Variants in PRMT8 observed in about 807,000 individuals in gnomAD.
PRMT8 encodes the protein protein arginine N-methyltransferase 8.
Under a neutral mutation model 47.1 loss-of-function variants are expected in PRMT8, and 7 were observed. That is an observed-to-expected ratio of 0.15 (90% CI 0.08 to 0.28). PRMT8 has a LOEUF of 0.28. Among genes scored for constraint, PRMT8 ranks in the 10% least tolerant of loss-of-function variants. The probability of loss-of-function intolerance (pLI) is 1.00; values close to 1 mark genes in which losing one functional copy is unlikely to be tolerated. For missense variants in PRMT8, 237 were observed against 505.4 expected, an observed-to-expected ratio of 0.47 and a Z score of 5.09; for synonymous variants, 188 against 186.5, an observed-to-expected ratio of 1.01 and a Z score of -0.07.
chr12:3,443,714 G>A (rs1476332911), intron 1 of PRMT8, among the ~76,000 whole-genome samples: 1 of 152,090 alleles, frequency 6.6e-6, no homozygotes, highest in East Asian at 1.9e-4. Context: ...ACCTTCCAAG[G>A]CTTGTCAATC....
chr12:3,432,371 C>T (rs1347085154), intron 1 of PRMT8, among the ~76,000 whole-genome samples: 1 of 152,234 alleles, frequency 6.6e-6, no homozygotes, highest in African/African-American at 2.4e-5. Flanking sequence ...CAGAGTAAGA[C>T]ACACGCTCAA....
chr12:3,583,415 C>T lies in PRMT8; in HGVS notation c.979+207C>T, dbSNP rs1454779913. On this transcript the variant is annotated intron_variant, in intron 8 of 9. Coordinates refer to ENST00000382622, the MANE Select transcript of PRMT8 (RefSeq NM_019854.5). The surrounding 1 kb of genome is among the most constrained non-coding windows in gnomAD (Gnocchi z 4.7). ...AAGGTAAATAATGTTGTGGTTGTTACAGCACAAGTTGAGAGTGTGTTGGAT... is the reference window on the plus strand; with the variant it reads ...AAGGTAAATAATGTTGTGGTTGTTATAGCACAAGTTGAGAGTGTGTTGGAT... 2.0e-5 allele frequency among the ~76,000 whole-genome samples: 3 copies of T among 152,182 alleles called. No individual in the cohort carries two copies. The highest frequency in any genetic ancestry group is 3.9e-4 in the East Asian group (2 of 5,180).
intron 8 of PRMT8, among the ~76,000 whole-genome samples, chr12:3,589,000 C>T (rs1867240663): frequency 6.6e-6 from 1 of 152,224 alleles, no homozygotes; most frequent in Non-Finnish European, 1.5e-5. Flanking sequence ...TTTTCCAAGA[C>T]ATTCTCCACC....
In PRMT8 at chr12:3,493,234, C is replaced by T. The variant is rs1457275747; in HGVS notation, c.75+1534C>T. On this transcript the variant is annotated intron_variant, in intron 1 of 9. Coordinates refer to ENST00000382622, the MANE Select transcript of PRMT8 (RefSeq NM_019854.5). This position sits in a 1 kb window ranked among gnomAD's most constrained non-coding sequence, Gnocchi z 8.2. ...CCACTTCCTCTTCCCCAGCCCCCAC[C>T]TGAGAGCAGACATTCGGAATGATGT... 6.6e-6 allele frequency among the ~76,000 whole-genome samples: 1 copy of T among 152,186 alleles called. No individual in the cohort carries two copies. The highest frequency in any genetic ancestry group is 2.4e-5 in the African/African-American group (1 of 41,448).
chr12:3,423,728 G>T (rs1349833760), intron 1 of PRMT8, among the ~76,000 whole-genome samples: 3 of 152,204 alleles, frequency 2.0e-5, no homozygotes, highest in Admixed American at 2.0e-4. Flanking sequence ...CACACGGTTT[G>T]TAACTTTGGG....
chr12:3,404,518 T>C (rs1399391131), intron 1 of PRMT8, among the ~76,000 whole-genome samples: 2 of 152,114 alleles, frequency 1.3e-5, no homozygotes, highest in African/African-American at 4.8e-5. Context: ...CCCCAGAAAC[T>C]CTCCATTATG....
At chr12:3,562,563 T>A (rs921437856) in intron 4 of PRMT8, among the ~76,000 whole-genome samples, 4 of 152,132 alleles carry the variant, frequency 2.6e-5, no homozygotes, top group South Asian at 2.1e-4. Context: ...TTTTTTCCAA[T>A]TGGGTGGTTG....
chr12:3,445,686 GCA>G (rs1467557666), intron 1 of PRMT8, among the ~76,000 whole-genome samples: 1 of 152,162 alleles, frequency 6.6e-6, no homozygotes, highest in African/African-American at 2.4e-5. Flanking sequence ...GAACGGCTCT[GCA>G]CACAGTCATT....
rs574227117 is a variant in PRMT8 at position 3,506,725 on chromosome 12, G to T, written c.75+15025G>T. On this transcript the variant is annotated intron_variant, in intron 1 of 9. Coordinates refer to ENST00000382622, the MANE Select transcript of PRMT8 (RefSeq NM_019854.5). ...AGAGAAGTGGTCATTCTCTACGGGA[G>T]GCTCCCTCGAGATAGACACGCTGTC... Among the ~76,000 whole-genome samples, 77 of 152,270 alleles carry T rather than the reference G, an allele frequency of 5.1e-4. No homozygotes were observed. In the South Asian group the frequency reaches 5.8e-3, roughly 11 times the overall value.
At chr12:3,455,711 A>C (rs549904245) in intron 1 of PRMT8, among the ~76,000 whole-genome samples, 4 of 152,100 alleles carry the variant, frequency 2.6e-5, no homozygotes, top group Non-Finnish European at 5.9e-5. Flanking sequence ...AGCCTGCTAC[A>C]TTGAATTTGG....
chr12:3,579,404 CT>C (rs1169367468), intron 7 of PRMT8, among the ~76,000 whole-genome samples: 8 of 152,120 alleles, frequency 5.3e-5, no homozygotes, highest in Non-Finnish European at 8.8e-5. Flanking sequence ...TAGCAGGGGC[CT>C]TTCAGTTGGT....
chr12:3,477,786 G>C (rs1865229804), intron 1 of PRMT8, among the ~76,000 whole-genome samples: 1 of 152,112 alleles, frequency 6.6e-6, no homozygotes, highest in South Asian at 2.1e-4. Flanking sequence ...ACTGAAGATT[G>C]ACTTGGAGGA....
chr12:3,510,088 C>T (rs1865689449), intron 1 of PRMT8, among the ~76,000 whole-genome samples: 1 of 152,162 alleles, frequency 6.6e-6, no homozygotes, highest in South Asian at 2.1e-4. Flanking sequence ...TTGACCTTAT[C>T]CACCATTACT....
chr12:3,550,253 A>G lies in PRMT8; in HGVS notation c.417+162A>G. The G allele has an allele frequency of 2.4e-6, 2 of 817,470 alleles. No homozygotes were observed. Among genetic ancestry groups the G allele is most frequent in the Non-Finnish European group, 3.8e-6 (2 of 529,042 alleles). 50.6% of individuals were successfully genotyped at this position (817,470 alleles called of 1,614,324 possible). A position where few individuals can be genotyped will look rare whatever the true frequency, so the allele number is the denominator to read the frequency against. The stretch of plus-strand genomic sequence containing the variant: ...ATCAGGTGTGACTCTCAGGAAGGGG[A>G]GCAGGCTGCCTGTCCCCTGTGCATG... On this transcript the variant is annotated intron_variant, in intron 3 of 9. Coordinates refer to ENST00000382622, the MANE Select transcript of PRMT8 (RefSeq NM_019854.5). This position sits in a 1 kb window ranked among gnomAD's most constrained non-coding sequence, Gnocchi z 5.1.
In PRMT8 at chr12:3,520,203, G is replaced by A. The variant is rs75639473; in HGVS notation, c.76-20403G>A. 2.4e-3 allele frequency among the ~76,000 whole-genome samples: 360 copies of A among 152,342 alleles called. 2 individuals carry two copies. Among genetic ancestry groups the A allele is most frequent in the African/African-American group, 8.3e-3 (344 of 41,576 alleles). The stretch of plus-strand genomic sequence containing the variant: ...TTGCTGGGTCACCAGAAGGGGCGAT[G>A]TAAAATACAAACAGTGCATCTCTCG... On this transcript the variant is annotated intron_variant, in intron 1 of 9. Coordinates refer to ENST00000382622, the MANE Select transcript of PRMT8 (RefSeq NM_019854.5).
chr12:3,553,796 G>A, intron 4 of PRMT8, 82 bp downstream of exon 4: 2 of 1,311,480 alleles, frequency 1.5e-6, no homozygotes, highest in Non-Finnish European at 2.2e-6. Context: ...CATAGCGGGA[G>A]GAGCGCAGAG....
At position 3,428,036 on chromosome 12, in the gene PRMT8, C is replaced by T. The variant is rs139765611; in HGVS notation, c.48+46594C>T. Among the ~76,000 whole-genome samples the T allele has an allele frequency of 7.4e-3, 1,133 of 152,278 alleles. 9 individuals are homozygous for T. Among genetic ancestry groups the T allele is most frequent in the South Asian group, 0.015 (70 of 4,824 alleles). ...TGCTGTTAATAAGATCTTGTTTAGTCCAAATTAACTTAGAATTGGTATAGA... is the reference window on the plus strand; with the variant it reads ...TGCTGTTAATAAGATCTTGTTTAGTTCAAATTAACTTAGAATTGGTATAGA... On this transcript the variant is annotated intron_variant, in intron 1 of 9. Coordinates refer to the PRMT8 transcript ENST00000452611.
chr12:3,562,997 C>G (rs558823479), intron 4 of PRMT8, among the ~76,000 whole-genome samples: 1 of 152,166 alleles, frequency 6.6e-6, no homozygotes, highest in South Asian at 2.1e-4. Flanking sequence ...AGTACCAGTG[C>G]CTTCTTGATA....
At chr12:3,582,911 TG>T in intron 7 of PRMT8, 146 bp from the exon 8 acceptor site, 2 of 914,612 alleles carry the variant, frequency 2.2e-6, no homozygotes, top group Non-Finnish European at 3.2e-6. Context: ...GGGAGGGCGG[TG>T]GGGAGCCTGG....
Sources: gnomAD v4.1 joint callset for allele counts (sites outside exome capture counted in the v4.1 genomes callset) on GRCh38, gnomAD v4.1.1 for gene constraint, Gnocchi (gnomAD v3.1) non-coding constraint, MANE v1.5 for transcripts, NCBI Gene and HGNC (gene_info 2026-07-23, HGNC 2026-07-21) for gene names.